WDR27: variants seen among roughly 807,000 people sequenced by gnomAD.
WDR27 encodes the protein WD repeat-containing protein 27.
Under a neutral mutation model 114.4 loss-of-function variants are expected in WDR27, and 100 were observed. The ratio of observed to expected loss-of-function variants is 0.87; its 90% confidence interval spans 0.74 to 1.03. WDR27 has a LOEUF of 1.03. WDR27 is among the 50% of genes least tolerant of loss of function. The pLI is 0.00. For synonymous variants in WDR27, 449 were observed against 423.1 expected (o/e 1.06, Z -0.75); for missense variants, 1,129 against 1,092.9 (o/e 1.03, Z -0.47).
At chr6:169,672,078 T>C (rs953508065) in intron 3 of WDR27, 177 bp downstream of exon 3, 5 of 563,220 alleles carry the variant, frequency 8.9e-6, no homozygotes, top group Non-Finnish European at 1.5e-5. Context: ...GCCCTTCCCA[T>C]ATAAAGCGCC....
chr6:169,491,395 CCT>C (rs1350518818), intron 25 of WDR27, among the ~76,000 whole-genome samples: 1 of 151,946 alleles, frequency 6.6e-6, no homozygotes, highest in Non-Finnish European at 1.5e-5. Flanking sequence ...AAAATTTTAA[CCT>C]CTTTTACAGT....
chr6:169,624,153 C>G (rs534982827), intron 21 of WDR27, among the ~76,000 whole-genome samples: 4 of 123,840 alleles, frequency 3.2e-5, no homozygotes, highest in Non-Finnish European at 6.3e-5. Flanking sequence ...CCGTGTGGGG[C>G]GTCAGGTGTG....
the WDR27 span, among the ~76,000 whole-genome samples, chr6:169,439,388 T>G: frequency 6.6e-6 from 1 of 152,164 alleles, no homozygotes; most frequent in Non-Finnish European, 1.5e-5. Context: ...ACTGTTCTAA[T>G]TTTTTGGTCA....
At chr6:169,613,701 G>C (rs762962884) in intron 21 of WDR27, 45 bp from the exon 22 acceptor site, 15 of 1,487,506 alleles carry the variant, frequency 1.0e-5, no homozygotes, top group East Asian at 4.6e-5. Context: ...CAAAGGTTGA[G>C]TTAATAAGCG....
rs530530148 is a variant in WDR27, at chr6:169,598,683, G to A, written c.2424+3536C>T. The stretch of plus-strand genomic sequence containing the variant: ...AGATGGACGCAGAGGCCAGCATGAC[G>A]CAGCCACACACCAAGGAACCCCAGG... On this transcript the variant is annotated intron_variant, in intron 23 of 25. Transcript: ENST00000448612. 2.0e-4 allele frequency among the ~76,000 whole-genome samples: 30 copies of A among 152,322 alleles called. No homozygotes were observed. The South Asian group carries it at 2.5e-3, about 13-fold the overall frequency.
chr6:169,451,895 T>A, the WDR27 span, among the ~76,000 whole-genome samples: 22 of 152,368 alleles, frequency 1.4e-4, no homozygotes, highest in South Asian at 4.1e-4. Flanking sequence ...TGTGTTTTTT[T>A]AAATATTATC....
At chr6:169,427,025 TAA>T in the WDR27 span, 1 of 151,638 alleles carries the variant, frequency 6.6e-6, no homozygotes. Flanking sequence ...ATCAGAGGAA[TAA>T]ACAGATGAGG....
intron 17 of WDR27, among the ~76,000 whole-genome samples, chr6:169,639,799 G>A (rs900333236): frequency 2.0e-5 from 3 of 152,134 alleles, no homozygotes; most frequent in African/African-American, 7.2e-5. Context: ...CCCCTAGAAC[G>A]GCTGTCAGGG....
chr6:169,429,679 G>A, the WDR27 span, among the ~76,000 whole-genome samples: 4 of 152,092 alleles, frequency 2.6e-5, no homozygotes, highest in Non-Finnish European at 4.4e-5. Flanking sequence ...ATGGGAGCAG[G>A]CATTTCAACT....
At chr6:169,528,236 T>C (rs1795174988) in intron 25 of WDR27, among the ~76,000 whole-genome samples, 1 of 152,202 alleles carries the variant, frequency 6.6e-6, no homozygotes, top group Non-Finnish European at 1.5e-5. Flanking sequence ...TGAAAAATTA[T>C]TCTCATATGG....
chr6:169,654,754 T>G (rs114521929), intron 13 of WDR27, among the ~76,000 whole-genome samples: 222 of 119,764 alleles, frequency 1.9e-3, no homozygotes, highest in African/African-American at 7.2e-3. Context: ...CGCACAGGGT[T>G]AGGCGGCGCG....
chr6:169,601,420 T>C (rs1807954248), intron 23 of WDR27, among the ~76,000 whole-genome samples: 1 of 152,222 alleles, frequency 6.6e-6, no homozygotes. Context: ...TGACTAGAAA[T>C]GCAACATTTT....
intron 1 of WDR27, among the ~76,000 whole-genome samples, chr6:169,698,514 TA>T (rs912109372): frequency 1.2e-4 from 19 of 152,352 alleles, no homozygotes; most frequent in African/African-American, 4.6e-4. Context: ...AGATGGCCCC[TA>T]AAATCATTTG....
At chr6:169,614,944 G>A (rs772236925) in intron 21 of WDR27, among the ~76,000 whole-genome samples, 18 of 151,950 alleles carry the variant, frequency 1.2e-4, no homozygotes, top group Non-Finnish European at 2.1e-4. Context: ...AGGCTAAAGA[G>A]TAAAAAACTG....
chr6:169,487,753 C>T (rs923405692), intron 25 of WDR27, among the ~76,000 whole-genome samples: 2 of 152,188 alleles, frequency 1.3e-5, no homozygotes, highest in African/African-American at 4.8e-5. Context: ...AAACTCAGAA[C>T]ATCCTTGCAG....
chr6:169,431,321 C>T, the WDR27 span, among the ~76,000 whole-genome samples: 2 of 152,100 alleles, frequency 1.3e-5, no homozygotes, highest in African/African-American at 2.4e-5. Flanking sequence ...TCTAAATTTT[C>T]ATTTGACTTT....
At chr6:169,685,205 G>T (rs1782590978) in intron 2 of WDR27, among the ~76,000 whole-genome samples, 1 of 151,636 alleles carries the variant, frequency 6.6e-6, no homozygotes, top group African/African-American at 2.4e-5. Context: ...TAATTGGAAG[G>T]TGCAACTTTC....
In WDR27 at chr6:169,457,331, C is replaced by T; in HGVS notation, c.*261G>A. 1.4e-5 allele frequency: 5 copies of T among 359,364 alleles called. No homozygotes were observed. The highest frequency in any genetic ancestry group is 1.7e-4 in the South Asian group (2 of 11,742). 22.3% of individuals were successfully genotyped at this position (359,364 alleles called of 1,614,324 possible). On this transcript the variant is annotated 3_prime_UTR_variant, in exon 26 of 26. Transcript: ENST00000448612. Reference sequence around the variant, plus strand: ...GAAAGATATTTTGTTTTAACTTTACCAAATTCTGTGCAGAAGTACTGGACG... The same window carrying T: ...GAAAGATATTTTGTTTTAACTTTACTAAATTCTGTGCAGAAGTACTGGACG...
At chr6:169,556,635 G>A (rs1050728422) in intron 25 of WDR27, among the ~76,000 whole-genome samples, 7 of 152,172 alleles carry the variant, frequency 4.6e-5, no homozygotes, top group African/African-American at 1.4e-4. Context: ...TCATAAAAAT[G>A]TAAAATTTCT....
Sources: allele counts gnomAD v4.1 joint callset (sites outside exome capture counted in the v4.1 genomes callset), GRCh38; gene constraint gnomAD v4.1.1; transcripts MANE v1.5; gene names NCBI Gene and HGNC (gene_info 2026-07-23, HGNC 2026-07-21).